The following ERC2 variants were observed in gnomAD, a reference collection of about 807,000 sequenced individuals.
The protein encoded by ERC2 is ERC protein 2.
A neutral mutation model predicts 114.8 loss-of-function variants in ERC2; 42 were observed. The observed-to-expected ratio is 0.37, with a 90% CI of 0.29 to 0.47. ERC2 has a LOEUF of 0.47. ERC2 is among the 20% of genes least tolerant of loss of function. The pLI is 0.99. For missense variants in ERC2, 939 were observed against 1,150.7 expected, an observed-to-expected ratio of 0.82 and a Z score of 2.66; for synonymous variants, 454 against 425.5, an observed-to-expected ratio of 1.07 and a Z score of -0.82.
intron 2 of ERC2, among the ~76,000 whole-genome samples, chr3:56,354,581 T>C (rs1298082196): frequency 6.6e-6 from 1 of 152,162 alleles, no homozygotes; most frequent in Non-Finnish European, 1.5e-5. Context: ...TCCTAATATG[T>C]ATCACTGTAA....
At chr3:56,202,501 C>CATTT (rs1553875664) in intron 3 of ERC2, among the ~76,000 whole-genome samples, 1 of 141,108 alleles carries the variant, frequency 7.1e-6, no homozygotes. Flanking sequence ...TAAACTCAAG[C>CATTT]TTTTTTTTTT....
intron 11 of ERC2, among the ~76,000 whole-genome samples, chr3:55,987,227 G>A (rs1338846273): frequency 6.6e-6 from 1 of 152,218 alleles, no homozygotes; most frequent in Non-Finnish European, 1.5e-5. Flanking sequence ...GTTATGTCAG[G>A]ACACGATCAC....
intron 6 of ERC2, among the ~76,000 whole-genome samples, chr3:56,097,175 C>A (rs979120966): frequency 6.6e-6 from 1 of 152,196 alleles, no homozygotes; most frequent in Non-Finnish European, 1.5e-5. Flanking sequence ...TCTGTTGGGA[C>A]TTGTTACAGC....
intron 2 of ERC2, among the ~76,000 whole-genome samples, chr3:56,402,210 C>A (rs767296049): frequency 5.3e-5 from 8 of 152,188 alleles, no homozygotes; most frequent in Non-Finnish European, 7.3e-5. Flanking sequence ...CCCAGAGTGG[C>A]AGCTCAGGGG....
At chr3:55,700,468 A>C (rs148294860) in intron 15 of ERC2, among the ~76,000 whole-genome samples, 1 of 152,232 alleles carries the variant, frequency 6.6e-6, no homozygotes, top group Non-Finnish European at 1.5e-5. Context: ...AATGAGAGGA[A>C]TAGTGCCTCT....
chr3:56,101,596 C>G (rs1450221475), intron 6 of ERC2, among the ~76,000 whole-genome samples: 1 of 152,178 alleles, frequency 6.6e-6, no homozygotes, highest in Non-Finnish European at 1.5e-5. Context: ...CACCGAAAAT[C>G]AACCGGGCCT....
At chr3:55,686,655 T>G (rs538297047) in intron 16 of ERC2, among the ~76,000 whole-genome samples, 1 of 152,342 alleles carries the variant, frequency 6.6e-6, no homozygotes, top group East Asian at 1.9e-4. Flanking sequence ...CAAGTATCAC[T>G]TGATCCTTAA....
chr3:55,694,379 G>A (rs2062824418), intron 16 of ERC2, among the ~76,000 whole-genome samples: 1 of 152,168 alleles, frequency 6.6e-6, no homozygotes, highest in Non-Finnish European at 1.5e-5. Flanking sequence ...GGCCAGACAT[G>A]TGTGAACATG....
intron 15 of ERC2, among the ~76,000 whole-genome samples, chr3:55,706,010 G>A (rs815434): frequency 7.3e-5 from 11 of 151,652 alleles, no homozygotes; most frequent in African/African-American, 2.7e-4. Context: ...CATCTTCCTC[G>A]GCTTGAGGTC....
At chr3:56,238,379 C>T (rs771535434) in intron 3 of ERC2, among the ~76,000 whole-genome samples, 3 of 152,178 alleles carry the variant, frequency 2.0e-5, no homozygotes, top group Non-Finnish European at 2.9e-5. Flanking sequence ...ACTTAGAACC[C>T]CTGGAAGGCC....
In ERC2 at chr3:55,577,896, T is replaced by C. The variant is rs371284087; in HGVS notation, c.*40-66620A>G. ...CCACAGTATGAGTTGGGGTAGAAAA[T>C]TGAGAGAAGGGCTTTGCTGAGGCAA... On this transcript the variant is annotated intron_variant, in intron 17 of 17. Transcript: ENST00000288221. 1.6e-4 allele frequency among the ~76,000 whole-genome samples: 25 copies of C among 152,198 alleles called. 1 individual carries two copies. Among genetic ancestry groups the C allele is most frequent in the African/African-American group, 5.5e-4 (23 of 41,522 alleles).
intron 7 of ERC2, among the ~76,000 whole-genome samples, chr3:56,058,079 A>G (rs1174070065): frequency 6.6e-6 from 1 of 152,182 alleles, no homozygotes; most frequent in Non-Finnish European, 1.5e-5. Flanking sequence ...TTCAATTCAT[A>G]TTACAAATTT....
intron 17 of ERC2, among the ~76,000 whole-genome samples, chr3:55,515,025 G>C (rs1053302659): frequency 6.6e-6 from 1 of 152,256 alleles, no homozygotes; most frequent in South Asian, 2.1e-4. Flanking sequence ...CTGTATTCTT[G>C]GGAGGAAGAC....
intron 3 of ERC2, among the ~76,000 whole-genome samples, chr3:56,191,184 T>C (rs1298848977): frequency 2.0e-5 from 3 of 152,046 alleles, no homozygotes; most frequent in Non-Finnish European, 2.9e-5. Flanking sequence ...GGCAGGCTGG[T>C]AGCCAGAGGT....
chr3:56,202,151 A>G (rs2048444171), intron 3 of ERC2, among the ~76,000 whole-genome samples: 1 of 152,188 alleles, frequency 6.6e-6, no homozygotes, highest in Non-Finnish European at 1.5e-5. Flanking sequence ...TTTCCCTAGT[A>G]ACCCGTAATA....
intron 13 of ERC2, among the ~76,000 whole-genome samples, chr3:55,892,821 G>A (rs1277976445): frequency 6.6e-6 from 1 of 151,934 alleles, no homozygotes; most frequent in Non-Finnish European, 1.5e-5. Context: ...TTTAATATAT[G>A]AGCAGTGCTC....
rs184596736 is a variant in ERC2, at chr3:56,400,432, T to G, written c.657+33919A>C. ...AAATTAAACTAAAATCTGAGCAGTA[T>G]AGTTATAAATATCTGAAATATAGTA... On this transcript the variant is annotated intron_variant, in intron 2 of 17. Coordinates refer to ENST00000288221, the MANE Select transcript of ERC2 (RefSeq NM_015576.3). 9.2e-5 allele frequency among the ~76,000 whole-genome samples: 14 copies of G among 152,308 alleles called. No homozygotes were observed. The East Asian group carries it at 2.7e-3, about 29-fold the overall frequency.
At chr3:55,814,694 A>G (rs2059845798) in intron 14 of ERC2, among the ~76,000 whole-genome samples, 1 of 152,222 alleles carries the variant, frequency 6.6e-6, no homozygotes, top group African/African-American at 2.4e-5. Context: ...TTTATTTACA[A>G]GCCTGCATGA....
chr3:55,648,223 T>C (rs2060474404), intron 17 of ERC2, among the ~76,000 whole-genome samples: 1 of 152,206 alleles, frequency 6.6e-6, no homozygotes, highest in South Asian at 2.1e-4. Flanking sequence ...TTCATTCAAA[T>C]ATTAGTAGAG....
Sources: gnomAD v4.1 joint callset for allele counts (sites outside exome capture counted in the v4.1 genomes callset) on GRCh38, gnomAD v4.1.1 for gene constraint, MANE v1.5 for transcripts, NCBI Gene and HGNC (gene_info 2026-07-23, HGNC 2026-07-21) for gene names.